Variants in CCDC171 observed in about 807,000 individuals in gnomAD.
CCDC171 encodes the protein coiled-coil domain-containing protein 171.
Under a neutral mutation model 168.2 loss-of-function variants are expected in CCDC171, and 177 were observed. The ratio of observed to expected loss-of-function variants is 1.05; its 90% confidence interval spans 0.93 to 1.19. The LOEUF (loss-of-function observed/expected upper bound fraction) is 1.19. Among genes scored for constraint, CCDC171 ranks in the 50% most tolerant of loss-of-function variants. The pLI is 0.00. For missense variants in CCDC171, 1,991 were observed against 1,539.0 expected, an observed-to-expected ratio of 1.29 and a Z score of -4.91; for synonymous variants, 687 against 540.8, an observed-to-expected ratio of 1.27 and a Z score of -3.75.
At chr9:15,757,395 T>C (rs1377559336) in intron 18 of CCDC171, among the ~76,000 whole-genome samples, 6 of 152,196 alleles carry the variant, frequency 3.9e-5, no homozygotes. Flanking sequence ...TGTGGAACTT[T>C]GAACTTGAGG....
chr9:15,747,645 T>A (rs1399804628), intron 18 of CCDC171, among the ~76,000 whole-genome samples: 1 of 152,080 alleles, frequency 6.6e-6, no homozygotes, highest in African/African-American at 2.4e-5. Context: ...CTCCAACAGA[T>A]CTGCAGCTGA....
chr9:16,069,958 T>C, the CCDC171 span, among the ~76,000 whole-genome samples: 1 of 152,154 alleles, frequency 6.6e-6, no homozygotes, highest in African/African-American at 2.4e-5. Flanking sequence ...AGGAAATCCA[T>C]ATTCATTCTG....
intron 7 of CCDC171, among the ~76,000 whole-genome samples, chr9:16,035,866 T>C (rs1236580454): frequency 2.6e-5 from 4 of 152,338 alleles, no homozygotes. Context: ...GAAAATAAAT[T>C]CTACCGCTAT....
chr9:15,648,231 A>G (rs2047205730), intron 7 of CCDC171, among the ~76,000 whole-genome samples: 1 of 152,206 alleles, frequency 6.6e-6, no homozygotes, highest in Admixed American at 6.5e-5. Flanking sequence ...TAAATTAGGT[A>G]TTGATGGGAC....
At chr9:15,621,232 A>T (rs2044478428) in intron 6 of CCDC171, among the ~76,000 whole-genome samples, 2 of 152,158 alleles carry the variant, frequency 1.3e-5, no homozygotes, top group Admixed American at 6.5e-5. Context: ...CTCCCAAAGT[A>T]CTGGGATTAC....
chr9:15,658,903 G>C (rs1030645204), intron 8 of CCDC171, among the ~76,000 whole-genome samples: 3 of 152,138 alleles, frequency 2.0e-5, no homozygotes, highest in African/African-American at 7.2e-5. Flanking sequence ...GGTAATAGCA[G>C]TGATTGGAAA....
chr9:15,637,461 GTTTAT>G (rs1485180095), intron 7 of CCDC171, among the ~76,000 whole-genome samples: 2 of 151,156 alleles, frequency 1.3e-5, no homozygotes, highest in East Asian at 1.9e-4. Flanking sequence ...AAATTTTTTT[GTTTAT>G]TTTATTATTA....
intron 25 of CCDC171, among the ~76,000 whole-genome samples, chr9:15,922,475 T>C (rs1825455422): frequency 6.6e-6 from 1 of 151,632 alleles, no homozygotes; most frequent in Non-Finnish European, 1.5e-5. Flanking sequence ...GTATATCCAT[T>C]AGGAATACTA....
rs536625415 is a variant in CCDC171, at chr9:16,053,377, A to G, written n.90-7269A>G. On this transcript the variant is annotated intron_variant and non_coding_transcript_variant, in intron 1 of 1. Coordinates refer to the CCDC171 transcript ENST00000478913. ...GCCTCGCCTGAGTTTTTGGTGTGGGAGGGTGTCATGTACAGGGAAGGGACT... is the reference window on the plus strand; with the variant it reads ...GCCTCGCCTGAGTTTTTGGTGTGGGGGGGTGTCATGTACAGGGAAGGGACT... Among the ~76,000 whole-genome samples the G allele has an allele frequency of 1.8e-3, 269 of 152,278 alleles. 2 individuals carry two copies. The highest frequency in any genetic ancestry group is 6.0e-3 in the African/African-American group (248 of 41,574).
intron 3 of CCDC171, among the ~76,000 whole-genome samples, chr9:15,993,563 G>A (rs918094549): frequency 2.0e-5 from 3 of 152,144 alleles, no homozygotes; most frequent in Non-Finnish European, 4.4e-5. Flanking sequence ...AACACCAAAA[G>A]CAATGGCAAC....
chr9:15,700,690 T>A (rs2051660672), intron 11 of CCDC171, among the ~76,000 whole-genome samples: 2 of 152,164 alleles, frequency 1.3e-5, no homozygotes, highest in African/African-American at 4.8e-5. Context: ...CTTGGGATGT[T>A]GCCCAGGCTA....
the CCDC171 span, among the ~76,000 whole-genome samples, chr9:16,091,972 T>C: frequency 6.6e-6 from 1 of 152,228 alleles, no homozygotes; most frequent in Non-Finnish European, 1.5e-5. Context: ...GGGCTCAGCT[T>C]GTTCCTCACT....
intron 7 of CCDC171, among the ~76,000 whole-genome samples, chr9:15,625,087 T>A (rs546701432): frequency 6.6e-6 from 1 of 152,352 alleles, no homozygotes; most frequent in East Asian, 1.9e-4. Flanking sequence ...CATTTTTTCA[T>A]GTGTCTGTTG....
downstream of CCDC171, among the ~76,000 whole-genome samples, chr9:15,974,203 A>G (rs1035636682): frequency 6.6e-6 from 1 of 152,064 alleles, no homozygotes; most frequent in Non-Finnish European, 1.5e-5. Context: ...AGCGATCATT[A>G]GTATTCACTA....
chr9:15,895,958 T>C (rs1319125580), intron 24 of CCDC171, among the ~76,000 whole-genome samples: 4 of 152,078 alleles, frequency 2.6e-5, no homozygotes, highest in African/African-American at 7.2e-5. Flanking sequence ...AGATTATTGT[T>C]GCCTTTTATG....
At chr9:15,556,862 T>G (rs941706876) in intron 1 of CCDC171, among the ~76,000 whole-genome samples, 2 of 152,184 alleles carry the variant, frequency 1.3e-5, no homozygotes, top group Admixed American at 6.5e-5. Context: ...TCTAGGGTTT[T>G]TATGGTTTTA....
chr9:15,599,518 G>A lies in CCDC171; in HGVS notation c.675+5346G>A, dbSNP rs570391583. Among the ~76,000 whole-genome samples, 6 of 152,256 alleles carry A rather than the reference G, an allele frequency of 3.9e-5. No individual in the cohort carries two copies. In the East Asian group the frequency reaches 7.7e-4, roughly 20 times the overall value. On this transcript the variant is annotated intron_variant, in intron 6 of 25. Transcript: ENST00000380701. The stretch of plus-strand genomic sequence containing the variant: ...TTGTAGATTTTCTGCCGAGAGATCC[G>A]CTGTTAGTCTGATGGGCTTCCATTT...
At chr9:15,927,431 A>G (rs1181037518) in intron 25 of CCDC171, among the ~76,000 whole-genome samples, 1 of 151,762 alleles carries the variant, frequency 6.6e-6, no homozygotes, top group African/African-American at 2.4e-5. Context: ...ATGATACTTC[A>G]GTCTTGAAAC....
chr9:15,993,121 G>T (rs1311014743), intron 3 of CCDC171, among the ~76,000 whole-genome samples: 1 of 151,988 alleles, frequency 6.6e-6, no homozygotes, highest in African/African-American at 2.4e-5. Flanking sequence ...AACCAAAAAA[G>T]AGCCCTCATT....
Sources: gnomAD v4.1 joint callset for allele counts (sites outside exome capture counted in the v4.1 genomes callset) on GRCh38, gnomAD v4.1.1 for gene constraint, MANE v1.5 for transcripts, NCBI Gene and HGNC (gene_info 2026-07-23, HGNC 2026-07-21) for gene names.